The following VPS53 variants were observed in gnomAD, a reference collection of about 807,000 sequenced individuals.
VPS53 encodes VPS53 subunit of GARP complex, also known as vacuolar protein sorting-associated protein 53 homolog.
A neutral mutation model predicts 107.0 loss-of-function variants in VPS53; 70 were observed. That is an observed-to-expected ratio of 0.65 (90% CI 0.54 to 0.80). VPS53 has a LOEUF of 0.80. Ranked by LOEUF, VPS53 falls within the 30% of genes least tolerant of loss-of-function variation. The probability of loss-of-function intolerance (pLI) is 0.00; values close to 1 mark genes in which losing one functional copy is unlikely to be tolerated. For missense variants in VPS53, 917 were observed against 1,049.4 expected, an observed-to-expected ratio of 0.87 and a Z score of 1.74; for synonymous variants, 409 against 393.3, an observed-to-expected ratio of 1.04 and a Z score of -0.47.
intron 4 of VPS53, among the ~76,000 whole-genome samples, chr17:679,034 T>G (rs1469175758): frequency 6.6e-6 from 1 of 151,960 alleles, no homozygotes; most frequent in Admixed American, 6.6e-5. Context: ...TAACAAGAAG[T>G]AGAAGGAGCA....
chr17:678,674 C>T (rs1305607380), intron 4 of VPS53, among the ~76,000 whole-genome samples: 1 of 151,542 alleles, frequency 6.6e-6, no homozygotes, highest in South Asian at 2.1e-4. Context: ...GAGTCTCGCT[C>T]TGTCGCCCAG....
intron 13 of VPS53, among the ~76,000 whole-genome samples, chr17:566,949 T>A (rs1180361105): frequency 6.6e-6 from 1 of 152,004 alleles, no homozygotes; most frequent in Non-Finnish European, 1.5e-5. Context: ...GGTTTCACCA[T>A]CTTGGCCAGG....
At chr17:702,525 G>A (rs1973244570) in intron 2 of VPS53, among the ~76,000 whole-genome samples, 1 of 152,092 alleles carries the variant, frequency 6.6e-6, no homozygotes, top group East Asian at 1.9e-4. Flanking sequence ...AATTAGCCGG[G>A]CGTGGTGGCA....
intron 13 of VPS53, among the ~76,000 whole-genome samples, chr17:582,351 A>G (rs1159524545): frequency 2.0e-5 from 3 of 147,596 alleles, no homozygotes; most frequent in Non-Finnish European, 4.5e-5. Flanking sequence ...TCAGAACCCA[A>G]TGTGTCCCCA....
At chr17:572,270 C>T (rs1225914804) in intron 13 of VPS53, among the ~76,000 whole-genome samples, 1 of 151,106 alleles carries the variant, frequency 6.6e-6, no homozygotes, top group Non-Finnish European at 1.5e-5. Flanking sequence ...CTCTGCCCAG[C>T]CGCCCCATCT....
intron 13 of VPS53, among the ~76,000 whole-genome samples, chr17:583,595 C>A (rs184365518): frequency 6.6e-6 from 1 of 150,924 alleles, no homozygotes; most frequent in Admixed American, 6.6e-5. Context: ...CCCAGATAAC[C>A]TCCCTCAGAA....
In VPS53 at chr17:511,520, C is replaced by T. The variant is rs1907942475; in HGVS notation, c.*7608G>A. 1 of 152,174 alleles carries T rather than the reference C, an allele frequency of 6.6e-6. No individual in the cohort carries two copies. Among genetic ancestry groups the T allele is most frequent in the Non-Finnish European group, 1.5e-5 (1 of 68,046 alleles). The allele number at this position is 152,174 out of a possible 1,614,324, so 9.4% of individuals were successfully genotyped here. A position where few individuals can be genotyped will look rare whatever the true frequency, so the allele number is the denominator to read the frequency against. On this transcript the variant is annotated 3_prime_UTR_variant, in exon 22 of 22. Coordinates refer to ENST00000437048, the MANE Select transcript of VPS53 (RefSeq NM_001128159.3). ...TTGGACGCTATTTTTATTTTAACAT[C>T]TCATATTGCCCCAGGTTCTCTGAGT...
intron 11 of VPS53, among the ~76,000 whole-genome samples, chr17:603,450 T>C (rs1340015498): frequency 1.3e-5 from 2 of 152,180 alleles, no homozygotes; most frequent in East Asian, 3.9e-4. Context: ...AATAAATACA[T>C]TGCACAAAAG....
At chr17:690,688 A>C (rs1972747342) in intron 4 of VPS53, among the ~76,000 whole-genome samples, 1 of 152,180 alleles carries the variant, frequency 6.6e-6, no homozygotes, top group African/African-American at 2.4e-5. Context: ...GGCTGCCAAA[A>C]ATCTCAGCAA....
intron 17 of VPS53, among the ~76,000 whole-genome samples, chr17:545,482 A>G (rs549926741): frequency 2.2e-4 from 33 of 152,338 alleles, no homozygotes; most frequent in Non-Finnish European, 4.4e-4. Flanking sequence ...CAGGGATTCT[A>G]TGACCCCACC....
intron 4 of VPS53, among the ~76,000 whole-genome samples, chr17:668,184 G>T (rs73975802): frequency 0.026 from 3,884 of 152,184 alleles, 65 homozygotes; most frequent in East Asian, 0.069. Flanking sequence ...CATCCATTTG[G>T]TTTACCGGGG....
In VPS53 at chr17:662,795, G is replaced by GAAAAAA. The variant is rs879813835; in HGVS notation, c.286-901_286-900insTTTTTT. Reference sequence around the variant, plus strand: ...AAAGAGAAAGAAAGAAAAAAAGAAAGAGAAAGAAAGAAAAAAAGAAAGAAA... The same window carrying GAAAAAA: ...AAAGAGAAAGAAAGAAAAAAAGAAAGAAAAAAAGAAAGAAAGAAAAAAAGAAAGAAA... On this transcript the variant is annotated intron_variant, in intron 4 of 21. Transcript: ENST00000437048. Among the ~76,000 whole-genome samples, 338 of 140,122 alleles carry GAAAAAA rather than the reference G, an allele frequency of 2.4e-3. 3 individuals are homozygous for GAAAAAA. Among genetic ancestry groups the GAAAAAA allele is most frequent in the East Asian group, 7.2e-3 (32 of 4,450 alleles). 91.9% of individuals were successfully genotyped at this position (140,122 alleles called of 152,430 possible).
chr17:675,605 C>G (rs2143741650), intron 4 of VPS53: 1 of 152,078 alleles, frequency 6.6e-6, no homozygotes, highest in East Asian at 1.9e-4. Flanking sequence ...GAAAACCCGT[C>G]TCTACCGAAA....
In VPS53 at chr17:515,956, C is replaced by CTTTTTTTTTTTTTTTTTTTTT. The variant is rs11361535; in HGVS notation, c.*3171_*3172insAAAAAAAAAAAAAAAAAAAAA. The CTTTTTTTTTTTTTTTTTTTTT allele has an allele frequency of 2.7e-5, 3 of 109,590 alleles. No homozygotes were observed. Among genetic ancestry groups the CTTTTTTTTTTTTTTTTTTTTT allele is most frequent in the Admixed American group, 1.0e-4 (1 of 9,824 alleles). The allele number at this position is 109,590 out of a possible 1,614,324, so 6.8% of individuals were successfully genotyped here. On this transcript the variant is annotated 3_prime_UTR_variant, in exon 22 of 22. Transcript: ENST00000437048. ...ATTACAGGCACCCGCCACCTGCCTG[C>CTTTTTTTTTTTTTTTTTTTTT]TTTTTTTTTTTTTTTTTTTGTATTT...
intron 13 of VPS53, among the ~76,000 whole-genome samples, chr17:580,943 A>G (rs772736791): frequency 2.1e-5 from 3 of 143,690 alleles, no homozygotes; most frequent in Non-Finnish European, 4.6e-5. Context: ...CCTAATGGGT[A>G]CCCAGAGAAC....
At chr17:531,216 C>T (rs1284274618) in intron 19 of VPS53, among the ~76,000 whole-genome samples, 1 of 152,198 alleles carries the variant, frequency 6.6e-6, no homozygotes, top group African/African-American at 2.4e-5. Flanking sequence ...GAGAATCGTT[C>T]AGGGGCCACG....
chr17:528,457 C>T (rs1909280674), intron 19 of VPS53, among the ~76,000 whole-genome samples: 1 of 152,070 alleles, frequency 6.6e-6, no homozygotes, highest in Non-Finnish European at 1.5e-5. Flanking sequence ...AGTAATATTC[C>T]CTTGTATGGA....
At chr17:651,310 T>C (rs1181293806) in intron 7 of VPS53, among the ~76,000 whole-genome samples, 2 of 152,250 alleles carry the variant, frequency 1.3e-5, no homozygotes, top group Non-Finnish European at 2.9e-5. Context: ...GTATACATAT[T>C]TGACCTTTTT....
At chr17:630,850 G>T (rs1969928595) in intron 8 of VPS53, among the ~76,000 whole-genome samples, 1 of 152,070 alleles carries the variant, frequency 6.6e-6, no homozygotes, top group Admixed American at 6.6e-5. Flanking sequence ...TCTTTCTCTT[G>T]AAATAGCTCA....
Sources: gnomAD v4.1 joint callset for allele counts (sites outside exome capture counted in the v4.1 genomes callset) on GRCh38, gnomAD v4.1.1 for gene constraint, MANE v1.5 for transcripts, NCBI Gene and HGNC (gene_info 2026-07-23, HGNC 2026-07-21) for gene names.